Variants in CCDC122 observed in about 807,000 individuals in gnomAD.
CCDC122 encodes coiled-coil domain containing 122, also known as coiled-coil domain-containing protein 122.
Under a neutral mutation model 37.0 loss-of-function variants are expected in CCDC122, and 38 were observed. The ratio of observed to expected loss-of-function variants is 1.03; its 90% CI spans 0.79 to 1.35. CCDC122 has a LOEUF of 1.35. Among genes scored for constraint, CCDC122 ranks in the 40% most tolerant of loss-of-function variants. The pLI, the probability that CCDC122 is intolerant of heterozygous loss-of-function variation, is 0.00. For missense variants in CCDC122, 305 were observed against 310.0 expected, an observed-to-expected ratio of 0.98 and a Z score of 0.12; for synonymous variants, 83 against 95.6, an observed-to-expected ratio of 0.87 and a Z score of 0.77.
In CCDC122 at chr13:43,859,991, T is replaced by C. The variant is rs1371833082; in HGVS notation, c.236A>G (p.Gln79Arg). The C allele has an allele frequency of 6.3e-7, 1 of 1,590,136 alleles. No homozygotes were observed. The highest frequency in any genetic ancestry group is 8.6e-7 in the Non-Finnish European group (1 of 1,168,838). Residue 79 changes from glutamine (Q) to arginine (R), a missense_variant, in exon 5 of 7, where the codon CAA becomes CGA. Transcript: ENST00000444614. ...TTTGGTATTCTCTATGGCAGAATCT[T>C]GTTGATAAATTTGTCTTTCTGTTTC... ...TKETERQIYQ[Q>R]DSAIENTKLH...
chr13:43,862,219 A>G (rs1954129556), intron 4 of CCDC122, among the ~76,000 whole-genome samples: 2 of 152,174 alleles, frequency 1.3e-5, no homozygotes, highest in African/African-American at 2.4e-5. Flanking sequence ...CCTAGTGCCT[A>G]TCTACTTTGC....
In CCDC122 at chr13:43,859,251, T is replaced by C. The variant is rs760067418; in HGVS notation, c.556-354A>G. ...CGTCTTCAAAGAACAGTAAGAGAAA[T>C]AGTAAGATGCTTAAGGTTCAGTTAT... On this transcript the variant is annotated intron_variant, in intron 5 of 6. Transcript: ENST00000444614. Among the ~76,000 whole-genome samples, 21 of 152,142 alleles carry C rather than the reference T, an allele frequency of 1.4e-4. 1 individual carries two copies. Among genetic ancestry groups the C allele is most frequent in the African/African-American group, 4.8e-4 (20 of 41,470 alleles).
In CCDC122 at chr13:43,858,811, CT is replaced by C. The variant is rs753348617; in HGVS notation, c.641del (p.Lys214ArgfsTer6). ...EKTCFLEEEK[K>X]THEKLRKEIE... The stretch of plus-strand genomic sequence containing the variant: ...TTTCTTTTCTTAATTTTTCATGTGT[CT>C]TTTTTTCTTCCTCAAGAAAACAAGT... On this transcript the variant is annotated frameshift_variant, in exon 6 of 7. Coordinates refer to ENST00000444614, the MANE Select transcript of CCDC122 (RefSeq NM_144974.5). LOFTEE classifies it high-confidence loss of function. The C allele has an allele frequency of 6.1e-5, 87 of 1,424,308 alleles. No individual in the cohort carries two copies. The highest frequency in any genetic ancestry group is 1.5e-4 in the East Asian group (6 of 40,096). The allele number at this position is 1,424,308 out of a possible 1,614,324, so 88.2% of individuals were successfully genotyped here.
At chr13:43,864,146 T>C (rs1355007372) in intron 4 of CCDC122, among the ~76,000 whole-genome samples, 1 of 152,214 alleles carries the variant, frequency 6.6e-6, no homozygotes, top group South Asian at 2.1e-4. Context: ...CAAAAATCAA[T>C]TGATATGTGT....
At chr13:43,874,773 A>G (rs1257359940) in intron 2 of CCDC122, 69 bp downstream of exon 2, 3 of 152,290 alleles carry the variant, frequency 2.0e-5, no homozygotes, top group Non-Finnish European at 4.4e-5. Context: ...CATGTTTTTA[A>G]GAGAAGTTAG....
At chr13:43,855,363 C>CCA (rs146757703) in intron 6 of CCDC122, 18,767 of 145,328 alleles carry the variant, frequency 0.13, 1,517 homozygotes, top group African/African-American at 0.24. Flanking sequence ...TTCACAGTTG[C>CCA]CACACACACA....
chr13:43,846,232 G>A (rs528924985), intron 6 of CCDC122, among the ~76,000 whole-genome samples: 14 of 152,100 alleles, frequency 9.2e-5, no homozygotes, highest in African/African-American at 3.4e-4. Context: ...CCGCCACCAC[G>A]CCCGGCTAAT....
chr13:43,865,433 T>C (rs995802066), intron 4 of CCDC122, among the ~76,000 whole-genome samples: 1 of 152,158 alleles, frequency 6.6e-6, no homozygotes, highest in Admixed American at 6.5e-5. Context: ...TCTGAAACCA[T>C]GGACAGTACT....
intron 6 of CCDC122, among the ~76,000 whole-genome samples, chr13:43,857,684 C>T (rs1433464347): frequency 2.6e-5 from 4 of 151,988 alleles, no homozygotes; most frequent in Admixed American, 2.6e-4. Flanking sequence ...AGGCGGATCA[C>T]CTGAGGTCAG....
At chr13:43,846,369 C>T (rs868262239) in intron 6 of CCDC122, among the ~76,000 whole-genome samples, 5 of 152,174 alleles carry the variant, frequency 3.3e-5, no homozygotes, top group Non-Finnish European at 2.9e-5. Flanking sequence ...CCACTGCGCC[C>T]GGCCAATATA....
intron 6 of CCDC122, among the ~76,000 whole-genome samples, chr13:43,846,125 A>G: frequency 6.6e-6 from 1 of 151,312 alleles, no homozygotes; most frequent in Admixed American, 6.6e-5. Flanking sequence ...CCCAGGCTGG[A>G]GTGCAACGGC....
At chr13:43,878,024 A>G (rs1954697975) in intron 1 of CCDC122, 1 of 152,212 alleles carries the variant, frequency 6.6e-6, no homozygotes, top group Admixed American at 6.5e-5. Flanking sequence ...AGATGGTGAA[A>G]GGAAATGGTA....
rs368117444 is a variant in CCDC122, at chr13:43,876,356, GAGA to G, written c.-199-1432_-199-1430del. Among the ~76,000 whole-genome samples the G allele has an allele frequency of 3.4e-3, 515 of 152,316 alleles. 1 individual carries two copies. The highest frequency in any genetic ancestry group is 0.012 in the African/African-American group (503 of 41,568). The stretch of plus-strand genomic sequence containing the variant: ...TCTTTAAAATTATACTTGTTCTCAT[GAGA>G]AGATTTACATAGCATTATAAAAATG... On this transcript the variant is annotated intron_variant, in intron 1 of 6. Transcript: ENST00000444614.
At chr13:43,876,971 C>T (rs185308636) in intron 1 of CCDC122, among the ~76,000 whole-genome samples, 40 of 152,092 alleles carry the variant, frequency 2.6e-4, no homozygotes, top group African/African-American at 7.5e-4. Context: ...ATTAGCCGGG[C>T]GTGGTGGTGC....
At chr13:43,846,572 T>G (rs745631253) in intron 6 of CCDC122, among the ~76,000 whole-genome samples, 1 of 152,236 alleles carries the variant, frequency 6.6e-6, no homozygotes, top group Non-Finnish European at 1.5e-5. Flanking sequence ...ATTTTGTCCT[T>G]AGATCTAGGT....
downstream of CCDC122, among the ~76,000 whole-genome samples, chr13:43,821,285 A>G (rs1239181937): frequency 6.6e-6 from 1 of 152,188 alleles, no homozygotes; most frequent in African/African-American, 2.4e-5. Context: ...GTGCAGTGGC[A>G]CAATCTTGGC....
intron 4 of CCDC122, among the ~76,000 whole-genome samples, chr13:43,862,853 A>T (rs1428046380): frequency 1.3e-5 from 2 of 151,970 alleles, no homozygotes; most frequent in East Asian, 1.9e-4. Context: ...TTGACTATTA[A>T]TTTTTCTTAT....
chr13:43,866,289 G>A (rs952840060), intron 4 of CCDC122, among the ~76,000 whole-genome samples: 1 of 152,180 alleles, frequency 6.6e-6, no homozygotes, highest in African/African-American at 2.4e-5. Context: ...TGTCAGAACT[G>A]AATCAAATCA....
Position 43,837,111 on chromosome 13 carries a change from T to A in CCDC122, c.*169A>T. 3.2e-6 allele frequency: 2 copies of A among 623,316 alleles called. No individual in the cohort carries two copies. Among genetic ancestry groups the A allele is most frequent in the South Asian group, 4.2e-5 (2 of 47,326 alleles). The allele number at this position is 623,316 out of a possible 1,614,324, so 38.6% of individuals were successfully genotyped here. ...ATCAAGTGTAGGGTTAGAAGGCATT[T>A]TAACAAATCGATGACTGATTTAAAA... On this transcript the variant is annotated 3_prime_UTR_variant, in exon 7 of 7. Transcript: ENST00000444614.
Sources: allele counts gnomAD v4.1 joint callset (sites outside exome capture counted in the v4.1 genomes callset), GRCh38; gene constraint gnomAD v4.1.1; transcripts MANE v1.5; gene names NCBI Gene and HGNC (gene_info 2026-07-23, HGNC 2026-07-21).